The following SLC38A8 variants were observed in gnomAD, a reference collection of about 807,000 sequenced individuals.
The protein encoded by SLC38A8 is solute carrier family 38 member 8.
A neutral mutation model predicts 46.0 loss-of-function variants in SLC38A8; 65 were observed. The ratio of observed to expected loss-of-function variants is 1.41; its 90% confidence interval spans 1.16 to 1.74. The LOEUF (loss-of-function observed/expected upper bound fraction) is 1.74, where lower values mean the gene tolerates loss of function less well. Among genes scored for constraint, SLC38A8 ranks in the 40% most tolerant of loss-of-function variants. The pLI, the probability that SLC38A8 is intolerant of heterozygous loss-of-function variation, is 0.00. For synonymous variants in SLC38A8, 447 were observed against 243.7 expected, an observed-to-expected ratio of 1.83 and a Z score of -7.77; for missense variants, 998 against 567.9, an observed-to-expected ratio of 1.76 and a Z score of -7.70.
In SLC38A8 at chr16:84,022,978, G is replaced by C. The variant is rs559238992; in HGVS notation, c.691-89C>G. ...AACTCATATCCAAAAGGCGGGAAATGTGGGATATGATGAGGTTTCTCTTGA... is the reference window on the plus strand; with the variant it reads ...AACTCATATCCAAAAGGCGGGAAATCTGGGATATGATGAGGTTTCTCTTGA... On this transcript the variant is annotated intron_variant, in intron 6 of 10. Transcript: ENST00000299709. The C allele has an allele frequency of 2.8e-5, 25 of 892,018 alleles. No individual in the cohort carries two copies. In the Middle Eastern group the frequency reaches 9.7e-4, roughly 35 times the overall value. 55.3% of individuals were successfully genotyped at this position (892,018 alleles called of 1,614,324 possible).
At chr16:84,023,000 T>C in intron 6 of SLC38A8, 111 bp from the exon 7 acceptor site, 1 of 698,416 alleles carries the variant, frequency 1.4e-6, no homozygotes, top group Non-Finnish European at 2.3e-6. Context: ...GAGGTTTCTC[T>C]TGAAATAGCC....
chr16:84,024,923 C>G (rs1287817356), intron 6 of SLC38A8, among the ~76,000 whole-genome samples: 2 of 152,126 alleles, frequency 1.3e-5, no homozygotes, highest in Non-Finnish European at 2.9e-5. Context: ...TCAAGTGATC[C>G]TCCCACCTCG....
intron 6 of SLC38A8, among the ~76,000 whole-genome samples, chr16:84,024,896 G>A (rs1248811165): frequency 6.6e-6 from 1 of 152,214 alleles, no homozygotes; most frequent in African/African-American, 2.4e-5. Flanking sequence ...GTCCAGGCTG[G>A]TCTCATACTC....
rs756822665 is a variant in SLC38A8, at chr16:84,016,556, G to A, written c.1125C>T (p.Ile375=). The A allele has an allele frequency of 2.6e-5, 42 of 1,613,982 alleles. No homozygotes were observed. Among genetic ancestry groups the A allele is most frequent in the South Asian group, 1.3e-4 (12 of 91,088 alleles). The stretch of plus-strand genomic sequence containing the variant: ...AGATGAAGAAGGAACTGATGCCTCC[G>A]ATGATGCTGACGATCTCGCTGAGGT... ...MPDLSEIVSI[I]GGISSFFIFI... Residue 375 remains isoleucine (I), a synonymous_variant, in exon 9 of 11, where the codon ATC becomes ATT. Coordinates refer to ENST00000299709, the MANE Select transcript of SLC38A8 (RefSeq NM_001080442.3).
chr16:84,029,192 A>C (rs2085206384), intron 6 of SLC38A8, among the ~76,000 whole-genome samples: 1 of 152,162 alleles, frequency 6.6e-6, no homozygotes, highest in Non-Finnish European at 1.5e-5. Flanking sequence ...AGGAAGGGAC[A>C]GGTCCCGGGT....
chr16:84,011,667 T>A (rs968355893), intron 10 of SLC38A8, among the ~76,000 whole-genome samples: 7 of 152,176 alleles, frequency 4.6e-5, no homozygotes, highest in African/African-American at 1.7e-4. Context: ...GAAAAGATCT[T>A]GAGAGAAGAT....
In SLC38A8 at chr16:84,029,561, G is replaced by C. The variant is rs1369776754; in HGVS notation, c.633-10C>G. 2 of 1,613,818 alleles carry C rather than the reference G, an allele frequency of 1.2e-6. No homozygotes were observed. The highest frequency in any genetic ancestry group is 2.7e-5 in the African/African-American group (2 of 74,922). ...GGTCCAGGAGGCAGGGCTGTAAACA[G>C]ACAAGAACAGGAGTTTATTAAAGAA... On this transcript the variant is annotated splice_polypyrimidine_tract_variant and intron_variant, in intron 5 of 10. Coordinates refer to ENST00000299709, the MANE Select transcript of SLC38A8 (RefSeq NM_001080442.3).
chr16:84,022,940 C>A, intron 6 of SLC38A8, 51 bp from the exon 7 acceptor site: 3 of 1,386,330 alleles, frequency 2.2e-6, no homozygotes, highest in South Asian at 1.4e-5. Context: ...CTGGAACAGG[C>A]GATGCGAAAA....
rs1012782578 is a variant in SLC38A8 at position 84,031,948 on chromosome 16, G to C, written c.551C>G (p.Ala184Gly). 9 of 1,614,210 alleles carry C rather than the reference G, an allele frequency of 5.6e-6. No individual in the cohort carries two copies. Among genetic ancestry groups the C allele is most frequent in the South Asian group, 1.1e-5 (1 of 91,086 alleles). Residue 184 changes from alanine to glycine, a missense_variant, in exon 5 of 11, where the codon GCC becomes GGC. Coordinates refer to ENST00000299709, the MANE Select transcript of SLC38A8 (RefSeq NM_001080442.3). ...GGTGATGACCAGGGCCAGGTAACAG[G>C]CAGCCAGAGTGCCTAGGATGCTAAC... ...KYTSILGTLA[A>G]CYLALVITVQ...
intron 7 of SLC38A8, among the ~76,000 whole-genome samples, chr16:84,020,148 T>TA: frequency 6.6e-6 from 1 of 151,804 alleles, no homozygotes; most frequent in African/African-American, 2.4e-5. Context: ...GTTGTTTTTT[T>TA]TTTTTTTTTT....
chr16:84,028,431 A>G (rs2151122267), intron 6 of SLC38A8, among the ~76,000 whole-genome samples: 1 of 152,118 alleles, frequency 6.6e-6, no homozygotes, highest in South Asian at 2.1e-4. Flanking sequence ...AAATACCAAA[A>G]AAAATTAGCC....
At chr16:84,011,949 AATG>A (rs2084959158) in intron 10 of SLC38A8, among the ~76,000 whole-genome samples, 2 of 152,168 alleles carry the variant, frequency 1.3e-5, no homozygotes, top group Non-Finnish European at 2.9e-5. Context: ...AAAGCTAAAT[AATG>A]ATAAAGGCAG....
intron 7 of SLC38A8, among the ~76,000 whole-genome samples, chr16:84,019,526 A>C (rs1270754777): frequency 1.3e-5 from 2 of 152,228 alleles, no homozygotes; most frequent in Admixed American, 6.5e-5. Context: ...ATACTGCCAT[A>C]CTGGCAATTT....
intron 7 of SLC38A8, among the ~76,000 whole-genome samples, chr16:84,022,374 G>A (rs533511353): frequency 2.0e-5 from 3 of 152,212 alleles, no homozygotes; most frequent in Admixed American, 6.5e-5. Flanking sequence ...CACAGTTTGT[G>A]AGCACCTGAG....
At position 84,021,434 on chromosome 16, in the gene SLC38A8, G is replaced by C. The variant is rs1374033874; in HGVS notation, c.805+1341C>G. 2.6e-5 allele frequency among the ~76,000 whole-genome samples: 4 copies of C among 152,258 alleles called. No individual in the cohort carries two copies. In the East Asian group the frequency reaches 5.8e-4, roughly 22 times the overall value. Reference sequence around the variant, plus strand: ...TGGACACAGTTCAGCCAAATTATTTGCCAGCTTCTAACAGGTTTGTCCTTT... The same window carrying C: ...TGGACACAGTTCAGCCAAATTATTTCCCAGCTTCTAACAGGTTTGTCCTTT... On this transcript the variant is annotated intron_variant, in intron 7 of 10. Transcript: ENST00000299709.
chr16:84,018,357 T>A (rs1188607729), intron 7 of SLC38A8, among the ~76,000 whole-genome samples: 1 of 150,002 alleles, frequency 6.7e-6, no homozygotes, highest in African/African-American at 2.5e-5. Flanking sequence ...CCTAGCCTCC[T>A]GAGTAGCTGG....
intron 9 of SLC38A8, among the ~76,000 whole-genome samples, chr16:84,016,181 T>C (rs1016030478): frequency 6.6e-6 from 1 of 152,218 alleles, no homozygotes; most frequent in Non-Finnish European, 1.5e-5. Flanking sequence ...ACTTATTCAC[T>C]ACCACAAGAA....
At chr16:84,027,600 C>G (rs993363159) in intron 6 of SLC38A8, among the ~76,000 whole-genome samples, 1 of 152,164 alleles carries the variant, frequency 6.6e-6, no homozygotes, top group East Asian at 1.9e-4. Context: ...GCCTTACCCC[C>G]TTTTCCCAGC....
rs2085113262 is a variant in SLC38A8 at position 84,022,948 on chromosome 16, A to G, written c.691-59T>C. 6 of 1,256,042 alleles carry G rather than the reference A, an allele frequency of 4.8e-6. No individual in the cohort carries two copies. In the East Asian group the frequency reaches 1.6e-4, roughly 33 times the overall value. The allele number at this position is 1,256,042 out of a possible 1,614,324, so 77.8% of individuals were successfully genotyped here. A position where few individuals can be genotyped will look rare whatever the true frequency, so the allele number is the denominator to read the frequency against. On this transcript the variant is annotated intron_variant, in intron 6 of 10. Transcript: ENST00000299709. ...GCTTCCCCTGGAACAGGCGATGCGAAAAAAAACTCATATCCAAAAGGCGGG... is the reference window on the plus strand; with the variant it reads ...GCTTCCCCTGGAACAGGCGATGCGAGAAAAAACTCATATCCAAAAGGCGGG...
Sources: allele counts gnomAD v4.1 joint callset (sites outside exome capture counted in the v4.1 genomes callset), GRCh38; gene constraint gnomAD v4.1.1; transcripts MANE v1.5; gene names NCBI Gene and HGNC (gene_info 2026-07-23, HGNC 2026-07-21).